Variants in AK8 observed in about 807,000 individuals in gnomAD.
AK8 encodes adenylate kinase 8, also known as ATP-AMP transphosphorylase 8.
In AK8, 44 loss-of-function variants were observed where a neutral mutation model predicts 54.6. The observed-to-expected ratio is 0.81, with a 90% CI of 0.63 to 1.04. The LOEUF (loss-of-function observed/expected upper bound fraction) is 1.04, where lower values mean the gene tolerates loss of function less well. Among genes scored for constraint, AK8 ranks in the 50% least tolerant of loss-of-function variants. AK8 has a pLI of 0.00. For synonymous variants in AK8, 239 were observed against 245.6 expected, an observed-to-expected ratio of 0.97 and a Z score of 0.25; for missense variants, 555 against 613.6, an observed-to-expected ratio of 0.90 and a Z score of 1.01.
rs761556310 is a variant in AK8 at position 132,875,187 on chromosome 9, G to T, written c.97C>A (p.Gln33Lys). Residue 33 changes from glutamine (Q) to lysine (K), a missense_variant, in exon 2 of 13, where the codon CAA (glutamine) becomes AAA (lysine). Physicochemically the swap from Gln to Lys is moderately conservative, Grantham distance 53. Coordinates refer to ENST00000298545, the MANE Select transcript of AK8 (RefSeq NM_152572.3). ...IFELMQNMLE[Q>K]LLIHQPEDPI... ...TCTTCGGGCTGGTGGATCAGGAGTT[G>T]CTCCAGCATGTTCTGTGGGTGCAGG... is the stretch of plus-strand genomic sequence containing the variant. 1 of 1,614,150 alleles carries T rather than the reference G, an allele frequency of 6.2e-7. No homozygotes were observed. Among genetic ancestry groups the T allele is most frequent in the South Asian group, 1.1e-5 (1 of 91,070 alleles).
Position 132,799,189 on chromosome 9 carries a change from C to T in AK8, c.980-6414G>A, listed in dbSNP as rs143430068. Among the ~76,000 whole-genome samples the T allele has an allele frequency of 6.9e-3, 1,047 of 152,260 alleles. 7 individuals are homozygous for T. Among genetic ancestry groups the T allele is most frequent in the Non-Finnish European group, 0.01 (693 of 68,020 alleles). ...CCACGCCGCCGCCTGCTGTCCGCAC[C>T]GCAGAGCCAGCCCTGCAGGGACCTT... On this transcript the variant is annotated intron_variant, in intron 10 of 12. Transcript: ENST00000298545. This position sits in a 1 kb window ranked among gnomAD's most constrained non-coding sequence, Gnocchi z 5.0.
intron 10 of AK8, among the ~76,000 whole-genome samples, chr9:132,800,994 G>T (rs185217489): frequency 2.0e-5 from 3 of 147,814 alleles, no homozygotes; most frequent in African/African-American, 7.5e-5. Context: ...GCGCGATTTC[G>T]GATCACTACA....
At chr9:132,744,694 G>A (rs989129411) in intron 11 of AK8, among the ~76,000 whole-genome samples, 11 of 152,166 alleles carry the variant, frequency 7.2e-5, no homozygotes, top group African/African-American at 1.9e-4. Flanking sequence ...AGTGTCCCCA[G>A]GAAACTGGGA....
intron 10 of AK8, among the ~76,000 whole-genome samples, chr9:132,795,204 C>T (rs1840106057): frequency 6.6e-6 from 1 of 152,206 alleles, no homozygotes; most frequent in African/African-American, 2.4e-5. Flanking sequence ...TGACCTCCTC[C>T]TCCTCTCCCC....
At chr9:132,750,045 G>A (rs993284050) in intron 11 of AK8, among the ~76,000 whole-genome samples, 1 of 148,038 alleles carries the variant, frequency 6.8e-6, no homozygotes, top group Non-Finnish European at 1.5e-5. Flanking sequence ...TTTCTGCCAT[G>A]TGTACGCATC....
At chr9:132,867,923 G>A (rs918046481) in intron 2 of AK8, among the ~76,000 whole-genome samples, 2 of 152,220 alleles carry the variant, frequency 1.3e-5, no homozygotes, top group Non-Finnish European at 2.9e-5. Context: ...CCAGCATGGT[G>A]AGAAGGGTGC....
At chr9:132,863,927 A>C (rs1215977722) in intron 3 of AK8, 149 bp from the exon 4 acceptor site, 1 of 638,506 alleles carries the variant, frequency 1.6e-6, no homozygotes, top group Non-Finnish European at 2.7e-6. Flanking sequence ...ACGGCCACCA[A>C]GGGAGACCCA....
At chr9:132,742,601 G>A (rs142392628) in intron 11 of AK8, among the ~76,000 whole-genome samples, 136 of 152,352 alleles carry the variant, frequency 8.9e-4, no homozygotes, top group Non-Finnish European at 1.7e-3. Flanking sequence ...GAGGGGCTGT[G>A]CCAGGTCTGC....
chr9:132,806,389 T>A (rs2131222003), intron 10 of AK8, among the ~76,000 whole-genome samples: 1 of 152,290 alleles, frequency 6.6e-6, no homozygotes, highest in South Asian at 2.1e-4. Context: ...CTTCTAATTA[T>A]ACCCCTGTGA....
chr9:132,741,485 A>G (rs1042722030), intron 11 of AK8, among the ~76,000 whole-genome samples: 30 of 152,278 alleles, frequency 2.0e-4, no homozygotes, highest in Middle Eastern at 3.4e-3. Context: ...CCCCAAAAAC[A>G]GCTGGGTTGG....
In AK8 at chr9:132,725,879, G is replaced by A. The variant is rs779744213; in HGVS notation, c.1249C>T (p.Arg417Cys). 14 of 1,611,556 alleles carry A rather than the reference G, an allele frequency of 8.7e-6. No individual in the cohort carries two copies. Among genetic ancestry groups the A allele is most frequent in the Admixed American group, 8.4e-5 (5 of 59,684 alleles). Residue 417 changes from arginine to cysteine, a missense_variant, in exon 13 of 13, where the codon CGC (arginine) becomes TGC (cysteine). Transcript: ENST00000298545. ...GCATCCTTTGGGTTCTGCAGGAGGCGAGCCTGGATCTCCATGGTGGGAGGT... is the reference window on the plus strand; with the variant it reads ...GCATCCTTTGGGTTCTGCAGGAGGCAAGCCTGGATCTCCATGGTGGGAGGT... ...KPPPTMEIQA[R>C]LLQNPKDAEE...
At chr9:132,772,266 C>T (rs185110201) in intron 11 of AK8, among the ~76,000 whole-genome samples, 40 of 152,278 alleles carry the variant, frequency 2.6e-4, no homozygotes, top group African/African-American at 8.9e-4. Context: ...ACTCATAGCC[C>T]GCTGCAGATG....
chr9:132,828,000 G>A lies in AK8; in HGVS notation c.556+13C>T. ...AACCCCATGGGGCTGGGTGGGGGTG[G>A]CCGTAGCCATACCTCCAGTTTGAGG... On this transcript the variant is annotated intron_variant, in intron 7 of 12. Coordinates refer to ENST00000298545, the MANE Select transcript of AK8 (RefSeq NM_152572.3). 2 of 1,556,922 alleles carry A rather than the reference G, an allele frequency of 1.3e-6. No homozygotes were observed. The highest frequency in any genetic ancestry group is 1.7e-6 in the Non-Finnish European group (2 of 1,149,524).
upstream of AK8, chr9:132,878,661 A>G (rs956045674): frequency 1.8e-5 from 18 of 1,004,316 alleles, no homozygotes; most frequent in African/African-American, 1.7e-5. This position sits in a 1 kb window ranked among gnomAD's most constrained non-coding sequence, Gnocchi z 4.7. Flanking sequence ...TCTTTAAAAC[A>G]GACGCGGGAA....
In AK8 at chr9:132,878,247, G is replaced by C. The variant is rs748378966; in HGVS notation, c.9C>G (p.Ala3=). 7.2e-7 allele frequency: 1 copy of C among 1,395,698 alleles called. No individual in the cohort carries two copies. Among genetic ancestry groups the C allele is most frequent in the Admixed American group, 2.7e-5 (1 of 36,422 alleles). The allele number at this position is 1,395,698 out of a possible 1,614,324, so 86.5% of individuals were successfully genotyped here. A position where few individuals can be genotyped will look rare whatever the true frequency, so the allele number is the denominator to read the frequency against. ...GGGGGATACGGTGCGGGGCGATAGT[G>C]GCGTCCATGTAGCCGTCTCGGCTCG... MD[A]TIAPHRIPPE... is the part of the protein sequence containing the mutation. Residue 3 remains alanine (A), a synonymous_variant, in exon 1 of 13, where the codon GCC becomes GCG. Transcript: ENST00000298545. The surrounding 1 kb of genome is among the most constrained non-coding windows in gnomAD (Gnocchi z 4.7).
chr9:132,739,524 A>T (rs1180476731), intron 11 of AK8, among the ~76,000 whole-genome samples: 3 of 150,022 alleles, frequency 2.0e-5, no homozygotes, highest in African/African-American at 4.9e-5. Flanking sequence ...CCATATATTT[A>T]AAAAACTTTT....
At chr9:132,824,150 C>T (rs1841777677) in intron 8 of AK8, among the ~76,000 whole-genome samples, 1 of 152,174 alleles carries the variant, frequency 6.6e-6, no homozygotes, top group Non-Finnish European at 1.5e-5. Flanking sequence ...CCCGCTGGAG[C>T]TCAGAAACAG....
intron 3 of AK8, among the ~76,000 whole-genome samples, 184 bp downstream of exon 3, chr9:132,866,720 T>C (rs1019916975): frequency 2.0e-5 from 3 of 152,180 alleles, no homozygotes; most frequent in Non-Finnish European, 4.4e-5. Flanking sequence ...AATTCTATTT[T>C]TGGTCTTTTG....
chr9:132,747,721 A>G (rs1364797037), intron 11 of AK8, among the ~76,000 whole-genome samples: 1 of 149,228 alleles, frequency 6.7e-6, no homozygotes, highest in African/African-American at 2.4e-5. Context: ...GTGAGCCACC[A>G]TGCCTGGCCT....
Sources: allele counts gnomAD v4.1 joint callset (sites outside exome capture counted in the v4.1 genomes callset), GRCh38; gene constraint gnomAD v4.1.1; non-coding constraint Gnocchi (gnomAD v3.1); transcripts MANE v1.5; gene names NCBI Gene and HGNC (gene_info 2026-07-23, HGNC 2026-07-21).